The following OGG1 variants were observed in gnomAD, a reference collection of about 807,000 sequenced individuals.
OGG1 encodes 8-oxoguanine DNA glycosylase.
A neutral mutation model predicts 42.3 loss-of-function variants in OGG1; 35 were observed. That is an observed-to-expected ratio of 0.83 (90% confidence interval 0.63 to 1.10). The LOEUF (loss-of-function observed/expected upper bound fraction) is 1.10, where lower values mean the gene tolerates loss of function less well. Ranked by LOEUF, OGG1 falls within the 50% of genes least tolerant of loss-of-function variation. The pLI is 0.00. For missense variants in OGG1, 484 were observed against 446.7 expected (o/e 1.08, Z -0.75); for synonymous variants, 189 against 179.0 (o/e 1.06, Z -0.44).
intron 2 of OGG1, among the ~76,000 whole-genome samples, chr3:9,779,438 A>G (rs1204195520): frequency 2.0e-5 from 3 of 152,114 alleles, no homozygotes; most frequent in Non-Finnish European, 4.4e-5. Context: ...CACTACAGCC[A>G]GAGAAGGACT....
In OGG1 at chr3:9,757,010, G is replaced by T. The variant is rs1370461158; in HGVS notation, c.949-51G>T. 1 of 1,613,446 alleles carries T rather than the reference G, an allele frequency of 6.2e-7. No homozygotes were observed. The highest frequency in any genetic ancestry group is 8.5e-7 in the Non-Finnish European group (1 of 1,180,002). ...CCCAACACTGTCACTAGTCTCACCA[G>T]CCCTGACCCCAGTGTACCCTCCTCC... On this transcript the variant is annotated intron_variant, in intron 6 of 6. Transcript: ENST00000344629. The surrounding 1 kb of genome is among the most constrained non-coding windows in gnomAD (Gnocchi z 4.5).
At chr3:9,781,769 C>G (rs957097862) in intron 3 of OGG1, among the ~76,000 whole-genome samples, 10 of 151,382 alleles carry the variant, frequency 6.6e-5, no homozygotes, top group Non-Finnish European at 1.5e-4. Context: ...TGCTCTGCAG[C>G]AGGGTAAGGG....
chr3:9,754,908 C>A (rs1279989560), intron 4 of OGG1, 23 bp downstream of exon 4: 1 of 1,559,038 alleles, frequency 6.4e-7, no homozygotes, highest in Non-Finnish European at 8.7e-7. Context: ...GGGGTAGGAG[C>A]TGCCCTCTCT....
rs1196125931 is a variant in OGG1, at chr3:9,751,189, C to T, written c.382C>T (p.Gln128Ter). Residue 128 changes from glutamine to a stop codon, truncating the protein, a stop_gained, in exon 2 of 7, where the codon CAA becomes TAA. Coordinates refer to ENST00000344629, the MANE Select transcript of OGG1 (RefSeq NM_002542.6). LOFTEE classifies it high-confidence loss of function. Reference protein sequence around the residue: ...SHFQEVAQKFQGVRLLRQDPI... With the variant: ...SHFQEVAQKF Reference sequence around the variant, plus strand: ...CTTCCAAGAGGTGGCTCAGAAATTCCAAGGTGAGTACAGGACCTGGGCTGG... The same window carrying T: ...CTTCCAAGAGGTGGCTCAGAAATTCTAAGGTGAGTACAGGACCTGGGCTGG... 1 of 1,613,890 alleles carries T rather than the reference C, an allele frequency of 6.2e-7. No homozygotes were observed. The highest frequency in any genetic ancestry group is 1.3e-5 in the African/African-American group (1 of 75,044).
At chr3:9,754,481 G>A (rs2077445657) in intron 3 of OGG1, among the ~76,000 whole-genome samples, 1 of 152,156 alleles carries the variant, frequency 6.6e-6, no homozygotes, top group African/African-American at 2.4e-5. Flanking sequence ...TGGGCTCCGG[G>A]GCCAATTCAT....
At chr3:9,756,391 A>T (rs2077560730) in intron 4 of OGG1, 80 bp from the exon 5 acceptor site, 1 of 1,427,256 alleles carries the variant, frequency 7.0e-7, no homozygotes, top group African/African-American at 1.4e-5. Context: ...AGGAGAAAGC[A>T]GCCGGCTTTG....
intron 3 of OGG1, chr3:9,785,491 T>C (rs1039153978): frequency 9.3e-7 from 1 of 1,079,620 alleles, no homozygotes; most frequent in Non-Finnish European, 1.4e-6. Flanking sequence ...CTTTCTGACC[T>C]ACACTGACAG....
chr3:9,769,677 A>G (rs1163115674), downstream of OGG1, among the ~76,000 whole-genome samples: 1 of 152,140 alleles, frequency 6.6e-6, no homozygotes, highest in Non-Finnish European at 1.5e-5. Flanking sequence ...GGCCTGGGAC[A>G]GAGGTGGAGA....
At chr3:9,759,776 A>G (rs1402373209), downstream of OGG1, 1 of 1,613,994 alleles carries the variant, frequency 6.2e-7, no homozygotes, top group Admixed American at 1.7e-5. Flanking sequence ...AAAAGCAAAG[A>G]TAATGACAGC....
At chr3:9,781,532 A>C (rs568093462) in exon 3 of OGG1, 23 of 456,636 alleles carry the variant, frequency 5.0e-5, no homozygotes, top group African/African-American at 4.2e-4. Flanking sequence ...TGCCAGCAGA[A>C]GGCCTGCTTA....
intron 2 of OGG1, chr3:9,780,510 C>T (rs2078434000): frequency 6.2e-7 from 1 of 1,607,530 alleles, no homozygotes; most frequent in East Asian, 2.2e-5. Context: ...TGCGCACCCG[C>T]TGCCTCAGCT....
intron 3 of OGG1, among the ~76,000 whole-genome samples, chr3:9,782,723 G>A (rs961227609): frequency 1.3e-5 from 2 of 151,586 alleles, no homozygotes; most frequent in African/African-American, 2.4e-5. Flanking sequence ...CCCGGGAGGC[G>A]GAGGTTGCAG....
chr3:9,789,661 G>A (rs759280511), downstream of OGG1: 3 of 1,610,570 alleles, frequency 1.9e-6, no homozygotes, highest in Admixed American at 5.0e-5. Context: ...CCCCACCAGT[G>A]CCTCCACCAC....
At chr3:9,756,664 G>A in intron 5 of OGG1, 43 bp downstream of exon 5, 1 of 1,612,422 alleles carries the variant, frequency 6.2e-7, no homozygotes, top group Non-Finnish European at 8.5e-7. Flanking sequence ...GGCTGGGATG[G>A]TAGAAACTTC....
At chr3:9,784,588 G>A (rs1322275375) in intron 3 of OGG1, among the ~76,000 whole-genome samples, 2 of 152,012 alleles carry the variant, frequency 1.3e-5, no homozygotes, top group African/African-American at 2.4e-5. Flanking sequence ...AAGTAAGCCA[G>A]GCATGGTGGC....
At chr3:9,778,437 C>G (rs1575285989) in intron 2 of OGG1, among the ~76,000 whole-genome samples, 1 of 152,304 alleles carries the variant, frequency 6.6e-6, no homozygotes, top group East Asian at 1.9e-4. Flanking sequence ...TCACAAAACT[C>G]TAAAGCAAAC....
intron 3 of OGG1, among the ~76,000 whole-genome samples, chr3:9,786,682 G>A (rs570597802): frequency 6.6e-6 from 1 of 152,298 alleles, no homozygotes; most frequent in Non-Finnish European, 1.5e-5. Context: ...GTGGAGTAAG[G>A]CTACCTTTGG....
chr3:9,789,722 G>T, downstream of OGG1: 1 of 1,612,978 alleles, frequency 6.2e-7, no homozygotes, highest in Non-Finnish European at 8.5e-7. Context: ...CCTGTTGGGG[G>T]CATCATTTTT....
rs2077468875 is a variant in OGG1 at position 9,754,921 on chromosome 3, T to C, written c.747+36T>C. 8 of 1,534,260 alleles carry C rather than the reference T, an allele frequency of 5.2e-6. No individual in the cohort carries two copies. The East Asian group carries it at 1.7e-4, about 32-fold the overall frequency. On this transcript the variant is annotated intron_variant, in intron 4 of 6. Transcript: ENST00000344629. ...AGGGGGTAGGAGCTGCCCTCTCTACTGACACTAAGAGGAGAGCAGGAAATG... is the reference window on the plus strand; with the variant it reads ...AGGGGGTAGGAGCTGCCCTCTCTACCGACACTAAGAGGAGAGCAGGAAATG...
Sources: allele counts gnomAD v4.1 joint callset (sites outside exome capture counted in the v4.1 genomes callset), GRCh38; gene constraint gnomAD v4.1.1; non-coding constraint Gnocchi (gnomAD v3.1); transcripts MANE v1.5; gene names NCBI Gene and HGNC (gene_info 2026-07-23, HGNC 2026-07-21).